Variants in SUMO3 observed in about 807,000 individuals in gnomAD.
SUMO3 encodes the protein small ubiquitin-related modifier 3.
A neutral mutation model predicts 11.1 loss-of-function variants in SUMO3; 2 were observed. The observed-to-expected ratio is 0.18, with a 90% CI of 0.07 to 0.57. The LOEUF (loss-of-function observed/expected upper bound fraction) is 0.57. Ranked by LOEUF, SUMO3 falls within the 20% of genes least tolerant of loss-of-function variation. The pLI, the probability that SUMO3 is intolerant of heterozygous loss-of-function variation, is 0.92. For missense variants in SUMO3, 70 were observed against 132.8 expected (o/e 0.53, Z 2.32); for synonymous variants, 56 against 53.5 (o/e 1.05, Z -0.20).
chr21:44,811,176 ACACACACATG>A lies in SUMO3; in HGVS notation c.151-2068_151-2059del, dbSNP rs1464741810. On this transcript the variant is annotated intron_variant, in intron 2 of 3. Coordinates refer to ENST00000332859, the MANE Select transcript of SUMO3 (RefSeq NM_006936.3). The surrounding 1 kb of genome is among the most constrained non-coding windows in gnomAD (Gnocchi z 5.0). ...CACACACAGGCACACACCCACACAT[ACACACACATG>A]CACAAAGACACGGACATACACACCA... is the stretch of plus-strand genomic sequence containing the variant. 1.6e-5 allele frequency among the ~76,000 whole-genome samples: 2 copies of A among 122,536 alleles called. No individual in the cohort carries two copies. Among genetic ancestry groups the A allele is most frequent in the Non-Finnish European group, 4.1e-5 (2 of 48,742 alleles). The allele number at this position is 122,536 out of a possible 152,430, so 80.4% of individuals were successfully genotyped here.
At chr21:44,815,170 G>T (rs1006541536) in intron 1 of SUMO3, among the ~76,000 whole-genome samples, 3 of 152,218 alleles carry the variant, frequency 2.0e-5, no homozygotes, top group African/African-American at 7.2e-5. Context: ...TTCCTTCCCT[G>T]GCTGGGAGAG....
rs536997677 is a variant in SUMO3, at chr21:44,811,225, TCA to T, written c.151-2109_151-2108del. Reference sequence around the variant, plus strand: ...ACATACACACCACACACACCTACACTCACGATTCAAATTCTATGGGAAGTAAA... The same window carrying T: ...ACATACACACCACACACACCTACACTCGATTCAAATTCTATGGGAAGTAAA... On this transcript the variant is annotated intron_variant, in intron 2 of 3. Coordinates refer to ENST00000332859, the MANE Select transcript of SUMO3 (RefSeq NM_006936.3). This position sits in a 1 kb window ranked among gnomAD's most constrained non-coding sequence, Gnocchi z 5.0. Among the ~76,000 whole-genome samples the T allele has an allele frequency of 4.9e-4, 74 of 151,610 alleles. 3 individuals carry two copies. In the South Asian group the frequency reaches 0.014, roughly 29 times the overall value.
intron 2 of SUMO3, 77 bp downstream of exon 2, chr21:44,813,899 C>A: frequency 6.3e-7 from 1 of 1,598,832 alleles, no homozygotes; most frequent in Non-Finnish European, 8.5e-7. Flanking sequence ...CCGAGACGCT[C>A]GTGCTCTGGG....
intron 3 of SUMO3, chr21:44,808,486 G>C: frequency 6.9e-7 from 1 of 1,448,348 alleles, no homozygotes; most frequent in Non-Finnish European, 9.1e-7. Context: ...CTGCATTCTA[G>C]CCTGGGCAAC....
chr21:44,813,248 TG>T (rs2083222896), intron 2 of SUMO3, among the ~76,000 whole-genome samples: 1 of 151,890 alleles, frequency 6.6e-6, no homozygotes, highest in Non-Finnish European at 1.5e-5. Context: ...CAGGGCTCCC[TG>T]GGGAAGGGCG....
chr21:44,815,040 G>A (rs1480379742), intron 1 of SUMO3, among the ~76,000 whole-genome samples: 2 of 152,228 alleles, frequency 1.3e-5, no homozygotes, highest in Non-Finnish European at 1.5e-5. Flanking sequence ...CAATGAGGCA[G>A]GGCCCTCCGG....
At chr21:44,817,623 C>T (rs2083254218) in intron 1 of SUMO3, among the ~76,000 whole-genome samples, 1 of 151,612 alleles carries the variant, frequency 6.6e-6, no homozygotes, top group South Asian at 2.1e-4. Flanking sequence ...GAGGGCGCCG[C>T]GCTCTGCAGG....
chr21:44,806,821 A>C lies in SUMO3; in HGVS notation c.*130T>G. On this transcript the variant is annotated 3_prime_UTR_variant, in exon 4 of 4. Coordinates refer to ENST00000332859, the MANE Select transcript of SUMO3 (RefSeq NM_006936.3). ...TAGTTTTGAGTTGCACTTGAAGTAC[A>C]TCAAAGAGAGGAAAATCATCGTGGT... The C allele has an allele frequency of 6.8e-7, 1 of 1,479,194 alleles. No homozygotes were observed. The allele number at this position is 1,479,194 out of a possible 1,614,324, so 91.6% of individuals were successfully genotyped here.
rs755873719 is a variant in SUMO3, at chr21:44,811,953, T to G, written c.150+2023A>C. On this transcript the variant is annotated intron_variant, in intron 2 of 3. Coordinates refer to ENST00000332859, the MANE Select transcript of SUMO3 (RefSeq NM_006936.3). This position sits in a 1 kb window ranked among gnomAD's most constrained non-coding sequence, Gnocchi z 5.0. The stretch of plus-strand genomic sequence containing the variant: ...GAAAATCACCCACCTCTGAGGCACA[T>G]AAGGAAACACTGAATGCCAGAATAT... 2.0e-5 allele frequency among the ~76,000 whole-genome samples: 3 copies of G among 147,740 alleles called. No individual in the cohort carries two copies. The highest frequency in any genetic ancestry group is 4.4e-5 in the Non-Finnish European group (3 of 67,486).
chr21:44,815,817 A>G (rs1393683889), intron 1 of SUMO3, among the ~76,000 whole-genome samples: 3 of 152,238 alleles, frequency 2.0e-5, no homozygotes, highest in African/African-American at 7.2e-5. Context: ...GATCTGTCCC[A>G]GACCCCTGGT....
chr21:44,808,970 A>C, intron 3 of SUMO3, 77 bp downstream of exon 3: 1 of 1,225,940 alleles, frequency 8.2e-7, no homozygotes, highest in Non-Finnish European at 1.2e-6. Flanking sequence ...ACAATTCTCA[A>C]ATAAGCGTAT....
intron 2 of SUMO3, among the ~76,000 whole-genome samples, chr21:44,812,216 C>G (rs2083216615): frequency 6.6e-6 from 1 of 151,876 alleles, no homozygotes; most frequent in Non-Finnish European, 1.5e-5. Flanking sequence ...ACCACCACAC[C>G]TGGCTAATTT....
In SUMO3 at chr21:44,806,665, T is replaced by A; in HGVS notation, c.*286A>T. 1 of 615,698 alleles carries A rather than the reference T, an allele frequency of 1.6e-6. No homozygotes were observed. The highest frequency in any genetic ancestry group is 2.4e-6 in the Non-Finnish European group (1 of 409,740). 38.1% of individuals were successfully genotyped at this position (615,698 alleles called of 1,614,324 possible). The stretch of plus-strand genomic sequence containing the variant: ...GGCTATAATTTTGGGGTTAAAAAAA[T>A]GTTGTAGGAGGGGGGGAAAACACAA... On this transcript the variant is annotated 3_prime_UTR_variant, in exon 4 of 4. Transcript: ENST00000332859.
At chr21:44,808,466 G>T in intron 3 of SUMO3, 1 of 1,434,194 alleles carries the variant, frequency 7.0e-7, no homozygotes, top group Non-Finnish European at 9.2e-7. Flanking sequence ...AGTGAGCTGA[G>T]ACTGCGCCAC....
rs778707979 is a variant in SUMO3, at chr21:44,806,883, G to C, written c.*68C>G. On this transcript the variant is annotated 3_prime_UTR_variant, in exon 4 of 4. Transcript: ENST00000332859. ...AGTTTCCGCAGACACCTTTGTGGTC[G>C]GCATGGTCACGTGCTCACCATTCAA... 8.2e-6 allele frequency: 13 copies of C among 1,593,362 alleles called. No individual in the cohort carries two copies. In the African/African-American group the frequency reaches 1.3e-4, roughly 16 times the overall value.
rs144266028 is a variant in SUMO3 at position 44,807,068 on chromosome 21, C to T, written c.223-28G>A. The T allele has an allele frequency of 7.5e-5, 120 of 1,610,630 alleles. No individual in the cohort carries two copies. In the East Asian group the frequency reaches 2.1e-3, roughly 28 times the overall value. ...GTCATGGTTGTCACAACAGGCACAG[C>T]GAGAGAGAGGGGAGCCTGTTAGTTT... is the stretch of plus-strand genomic sequence containing the variant. On this transcript the variant is annotated intron_variant, in intron 3 of 3. Transcript: ENST00000332859. This position sits in a 1 kb window ranked among gnomAD's most constrained non-coding sequence, Gnocchi z 4.3.
At chr21:44,808,890 A>G in intron 3 of SUMO3, 157 bp downstream of exon 3, 1 of 746,410 alleles carries the variant, frequency 1.3e-6, no homozygotes, top group Non-Finnish European at 2.3e-6. Context: ...TGAAAATTTA[A>G]ATTTAAAATG....
Position 44,817,978 on chromosome 21 carries a change from A to AGCGGCGCGGGGAG in SUMO3, c.-23_-11dup. ...GCTTCTCCTCGGACATGGCTGCGCG[A>AGCGGCGCGGGGAG]GCGGCGCGGGGAGGCGGCGCGGGGG... On this transcript the variant is annotated 5_prime_UTR_variant, in exon 1 of 4. Coordinates refer to ENST00000332859, the MANE Select transcript of SUMO3 (RefSeq NM_006936.3). The AGCGGCGCGGGGAG allele has an allele frequency of 2.7e-6, 3 of 1,096,900 alleles. No homozygotes were observed. Among genetic ancestry groups the AGCGGCGCGGGGAG allele is most frequent in the Non-Finnish European group, 3.3e-6 (3 of 917,900 alleles). 67.9% of individuals were successfully genotyped at this position (1,096,900 alleles called of 1,614,324 possible).
At chr21:44,808,356 C>T (rs2083190808) in intron 3 of SUMO3, 1 of 494,220 alleles carries the variant, frequency 2.0e-6, no homozygotes, top group Non-Finnish European at 3.4e-6. Flanking sequence ...ACTAAAAATA[C>T]AAAAAAATTA....
Sources: gnomAD v4.1 joint callset for allele counts (sites outside exome capture counted in the v4.1 genomes callset) on GRCh38, gnomAD v4.1.1 for gene constraint, Gnocchi (gnomAD v3.1) non-coding constraint, MANE v1.5 for transcripts, NCBI Gene and HGNC (gene_info 2026-07-23, HGNC 2026-07-21) for gene names.